The following CNOT6 variants were observed in gnomAD, a reference collection of about 807,000 sequenced individuals.
The protein encoded by CNOT6 is carbon catabolite repression 4 protein.
In CNOT6, 12 loss-of-function variants were observed where a neutral mutation model predicts 61.2. The observed-to-expected ratio is 0.20, with a 90% confidence interval of 0.13 to 0.32. CNOT6 has a LOEUF of 0.32. Among genes scored for constraint, CNOT6 ranks in the 10% least tolerant of loss-of-function variants. CNOT6 has a pLI of 1.00. For synonymous variants in CNOT6, 225 were observed against 240.6 expected, an observed-to-expected ratio of 0.94 and a Z score of 0.60; for missense variants, 405 against 663.9, an observed-to-expected ratio of 0.61 and a Z score of 4.28.
chr5:180,567,980 G>A lies in CNOT6; in HGVS notation c.1004G>A (p.Arg335Gln), dbSNP rs143354534. 5.6e-6 allele frequency: 9 copies of A among 1,608,570 alleles called. No individual in the cohort carries two copies. The highest frequency in any genetic ancestry group is 6.8e-6 in the Non-Finnish European group (8 of 1,175,602). Reference protein sequence around the residue: ...NIGVAVLLELRKESIEMPSGK... With the variant: ...NIGVAVLLELQKESIEMPSGK... ...GGGGTTGCAGTACTGCTAGAACTTC[G>A]GAAGGAATCGATTGAAATGCCGTGT... The change falls in exon 9 of 12, where the codon CGG (arginine) becomes CAG (glutamine). Residue 335 changes from arginine (R) to glutamine (Q), a missense_variant. Physicochemically the swap from Arg to Gln is conservative, Grantham distance 43. Coordinates refer to ENST00000261951, the MANE Select transcript of CNOT6 (RefSeq NM_001370472.1).
intron 3 of CNOT6, among the ~76,000 whole-genome samples, chr5:180,551,364 C>T (rs905302517): frequency 1.3e-5 from 2 of 151,962 alleles, no homozygotes; most frequent in Non-Finnish European, 2.9e-5. Flanking sequence ...CTCTACCCTC[C>T]TCCCCTCTAG....
At chr5:180,551,106 G>A (rs1759576020) in intron 3 of CNOT6, among the ~76,000 whole-genome samples, 3 of 152,078 alleles carry the variant, frequency 2.0e-5, no homozygotes, top group Admixed American at 2.0e-4. Context: ...TACTTTGAGT[G>A]GCTGAGGCGG....
At chr5:180,552,604 T>C (rs1206478070) in intron 3 of CNOT6, among the ~76,000 whole-genome samples, 49 of 148,814 alleles carry the variant, frequency 3.3e-4, no homozygotes, top group African/African-American at 8.7e-4. Flanking sequence ...CGAGATCGCA[T>C]CACTGCACTC....
intron 3 of CNOT6, among the ~76,000 whole-genome samples, chr5:180,553,052 A>T (rs1759701459): frequency 6.6e-6 from 1 of 152,204 alleles, no homozygotes; most frequent in African/African-American, 2.4e-5. Flanking sequence ...ACCTGGTGCC[A>T]GTTTGCAAAC....
intron 1 of CNOT6, among the ~76,000 whole-genome samples, chr5:180,514,680 T>C (rs963836582): frequency 6.6e-6 from 1 of 152,202 alleles, no homozygotes; most frequent in Non-Finnish European, 1.5e-5. Flanking sequence ...TTGCTTAAGC[T>C]GTAAGATCAT....
chr5:180,533,786 A>G (rs1177808959), intron 2 of CNOT6, among the ~76,000 whole-genome samples: 1 of 152,164 alleles, frequency 6.6e-6, no homozygotes, highest in Non-Finnish European at 1.5e-5. Flanking sequence ...TTTCTTTTTT[A>G]TATTTTAACA....
chr5:180,562,864 A>T (rs542931725), intron 4 of CNOT6, among the ~76,000 whole-genome samples: 1 of 152,314 alleles, frequency 6.6e-6, no homozygotes, highest in South Asian at 2.1e-4. Flanking sequence ...AAGGGTCCTG[A>T]TAAGCTTCAG....
chr5:180,553,234 CAT>C (rs910213291), intron 3 of CNOT6, 150 bp from the exon 4 acceptor site: 12 of 364,808 alleles, frequency 3.3e-5, no homozygotes, highest in Admixed American at 8.8e-5. Context: ...TTTTAAACCA[CAT>C]GTTATTTAAG....
At chr5:180,553,817 T>C (rs1169067200) in intron 4 of CNOT6, among the ~76,000 whole-genome samples, 1 of 152,138 alleles carries the variant, frequency 6.6e-6, no homozygotes, top group East Asian at 1.9e-4. Flanking sequence ...GAGCCTCTCA[T>C]ATAGTACAGA....
chr5:180,528,436 G>A (rs1159826487), intron 1 of CNOT6, among the ~76,000 whole-genome samples: 2 of 151,962 alleles, frequency 1.3e-5, no homozygotes, highest in African/African-American at 2.4e-5. Context: ...TCAGCCTTCC[G>A]AGTAACTGGG....
At position 180,575,616 on chromosome 5, in the gene CNOT6, T is replaced by C. The variant is rs1376493157; in HGVS notation, c.*1416T>C. 4 of 152,628 alleles carry C rather than the reference T, an allele frequency of 2.6e-5. No individual in the cohort carries two copies. The highest frequency in any genetic ancestry group is 2.9e-5 in the Non-Finnish European group (2 of 68,044). The allele number at this position is 152,628 out of a possible 1,614,324, so 9.5% of individuals were successfully genotyped here. ...AGTCATTTTAGTATGTCAAGCAAGA[T>C]AAAAATTACATCATACCGTCTATTT... is the stretch of plus-strand genomic sequence containing the variant. On this transcript the variant is annotated 3_prime_UTR_variant, in exon 12 of 12. Coordinates refer to ENST00000261951, the MANE Select transcript of CNOT6 (RefSeq NM_001370472.1).
intron 3 of CNOT6, among the ~76,000 whole-genome samples, chr5:180,552,600 C>T (rs990701071): frequency 2.7e-5 from 4 of 150,578 alleles, no homozygotes; most frequent in African/African-American, 7.3e-5. Flanking sequence ...GAGCCGAGAT[C>T]GCATCACTGC....
intron 4 of CNOT6, among the ~76,000 whole-genome samples, chr5:180,560,566 A>G (rs1760112541): frequency 6.6e-6 from 1 of 152,164 alleles, no homozygotes; most frequent in Non-Finnish European, 1.5e-5. Context: ...TCCATGGCTT[A>G]TCATGACAAA....
intron 1 of CNOT6, among the ~76,000 whole-genome samples, chr5:180,508,830 A>T (rs1217570705): frequency 1.0e-4 from 12 of 118,018 alleles, no homozygotes; most frequent in African/African-American, 1.4e-4. Flanking sequence ...TATTATTATT[A>T]TTATTTTTTT....
intron 2 of CNOT6, among the ~76,000 whole-genome samples, chr5:180,539,997 T>C (rs1030778743): frequency 1.3e-5 from 2 of 152,224 alleles, no homozygotes; most frequent in Admixed American, 1.3e-4. Flanking sequence ...TGTTCACAAC[T>C]GTGGGAACTT....
intron 1 of CNOT6, among the ~76,000 whole-genome samples, chr5:180,501,984 G>A (rs1756886757): frequency 6.6e-6 from 1 of 152,126 alleles, no homozygotes; most frequent in Non-Finnish European, 1.5e-5. Context: ...AGATTGGGCG[G>A]AGGAGCAAAT....
At chr5:180,545,272 G>A (rs1278155635) in intron 2 of CNOT6, among the ~76,000 whole-genome samples, 1 of 152,094 alleles carries the variant, frequency 6.6e-6, no homozygotes, top group Non-Finnish European at 1.5e-5. Flanking sequence ...CATATTCATC[G>A]ATCCTGAAAG....
At chr5:180,544,486 C>A (rs11249724) in intron 2 of CNOT6, among the ~76,000 whole-genome samples, 41,370 of 152,054 alleles carry the variant, frequency 0.27, 6,212 homozygotes, top group Middle Eastern at 0.41. Context: ...GGTAGGCATC[C>A]GAGTTCTCCT....
At chr5:180,558,914 G>A (rs552697500) in intron 4 of CNOT6, among the ~76,000 whole-genome samples, 2 of 152,270 alleles carry the variant, frequency 1.3e-5, no homozygotes, top group African/African-American at 2.4e-5. Flanking sequence ...AAGCAGGTGG[G>A]ACTACAAGCA....
Sources: allele counts gnomAD v4.1 joint callset (sites outside exome capture counted in the v4.1 genomes callset), GRCh38; gene constraint gnomAD v4.1.1; transcripts MANE v1.5; gene names NCBI Gene and HGNC (gene_info 2026-07-23, HGNC 2026-07-21).